Variants in RAPGEF1 observed in about 807,000 individuals in gnomAD.
RAPGEF1 encodes the protein Rap guanine nucleotide exchange factor 1.
A neutral mutation model predicts 143.3 loss-of-function variants in RAPGEF1; 33 were observed. The ratio of observed to expected loss-of-function variants is 0.23; its 90% CI spans 0.17 to 0.31. RAPGEF1 has a LOEUF of 0.31. Ranked by LOEUF, RAPGEF1 falls within the 10% of genes least tolerant of loss-of-function variation. The pLI is 1.00. For synonymous variants in RAPGEF1, 629 were observed against 676.5 expected, an observed-to-expected ratio of 0.93 and a Z score of 1.09; for missense variants, 1,199 against 1,645.4, an observed-to-expected ratio of 0.73 and a Z score of 4.69.
Position 131,739,853 on chromosome 9 carries a change from G to T in RAPGEF1, c.-23C>A, listed in dbSNP as rs183326492. On this transcript the variant is annotated 5_prime_UTR_variant, in exon 1 of 27. Transcript: ENST00000683357. ...CATCGGGCCCGGGCCGGGCCGCCGC[G>T]GGGCGACAGGGGCGGCGCGCCCGCC... The T allele has an allele frequency of 0.091, 91,443 of 1,005,356 alleles. 4,585 individuals are homozygous for T. The highest frequency in any genetic ancestry group is 0.23 in the Middle Eastern group (466 of 2,030). The allele number at this position is 1,005,356 out of a possible 1,614,324, so 62.3% of individuals were successfully genotyped here. A position where few individuals can be genotyped will look rare whatever the true frequency, so the allele number is the denominator to read the frequency against.
At chr9:131,711,208 G>A (rs1429728866) in intron 1 of RAPGEF1, among the ~76,000 whole-genome samples, 1 of 151,198 alleles carries the variant, frequency 6.6e-6, no homozygotes, top group Non-Finnish European at 1.5e-5. Context: ...ATGCCACCTC[G>A]CCTGGCTAAT....
chr9:131,614,313 G>A (rs1046344983), intron 12 of RAPGEF1, among the ~76,000 whole-genome samples: 1 of 152,248 alleles, frequency 6.6e-6, no homozygotes, highest in African/African-American at 2.4e-5. Flanking sequence ...GGTCAGGATG[G>A]CAGGAACTTA....
rs377172820 is a variant in RAPGEF1 at position 131,588,993 on chromosome 9, G to A, written c.2868-7C>T. 1.2e-6 allele frequency: 2 copies of A among 1,611,756 alleles called. No individual in the cohort carries two copies. Among genetic ancestry groups the A allele is most frequent in the Admixed American group, 3.3e-5 (2 of 59,830 alleles). ...TTCTGTCAACTCCACCAGGCTGAAG[G>A]ACAAAAGAGCACAAGGTGAGGAGCA... On this transcript the variant is annotated splice_region_variant and splice_polypyrimidine_tract_variant and intron_variant, in intron 19 of 26. Coordinates refer to ENST00000683357, the MANE Select transcript of RAPGEF1 (RefSeq NM_001377935.1).
At chr9:131,724,164 G>T (rs573669065) in intron 1 of RAPGEF1, among the ~76,000 whole-genome samples, 1 of 152,182 alleles carries the variant, frequency 6.6e-6, no homozygotes, top group South Asian at 2.1e-4. Flanking sequence ...CCTCACTCAG[G>T]TAACTCATCG....
chr9:131,652,950 AT>A (rs1483092340), intron 1 of RAPGEF1, among the ~76,000 whole-genome samples: 2 of 152,236 alleles, frequency 1.3e-5, no homozygotes, highest in Non-Finnish European at 2.9e-5. Flanking sequence ...TGATGGCTAC[AT>A]CAGGCGAGGC....
intron 10 of RAPGEF1, 80 bp downstream of exon 10, chr9:131,625,842 T>C: frequency 6.8e-7 from 1 of 1,475,756 alleles, no homozygotes; most frequent in Admixed American, 2.3e-5. Context: ...GATTTGATTC[T>C]GGTCTAATGC....
chr9:131,593,228 T>TA (rs1255224066), intron 17 of RAPGEF1, among the ~76,000 whole-genome samples: 2 of 152,160 alleles, frequency 1.3e-5, no homozygotes, highest in Admixed American at 1.3e-4. Flanking sequence ...TGCCTCCTCT[T>TA]AGAGGGGGCT....
chr9:131,720,514 C>A (rs1439622133), intron 1 of RAPGEF1, among the ~76,000 whole-genome samples: 1 of 152,118 alleles, frequency 6.6e-6, no homozygotes, highest in African/African-American at 2.4e-5. Flanking sequence ...GCGCCAGAGC[C>A]CAGAAACCTC....
intron 1 of RAPGEF1, among the ~76,000 whole-genome samples, chr9:131,659,229 T>A (rs11243466): frequency 0.055 from 8,434 of 152,224 alleles, 690 homozygotes; most frequent in African/African-American, 0.18. Context: ...TCCAATTTTT[T>A]AAAAGTCTTT....
At position 131,650,845 on chromosome 9, in the gene RAPGEF1, C is replaced by A; in HGVS notation, c.166G>T (p.Val56Leu). ...GGCTTCTCTGGAATCTTTACGGACA[C>A]CTCAGCTGGTTTTCCCTTCTTTGAT... Reference protein sequence around the residue: ...TPSKKGKPAEVSVKIPEKPVN... With the variant: ...TPSKKGKPAELSVKIPEKPVN... The change falls in exon 2 of 27, where the codon GTG (valine) becomes TTG (leucine). Residue 56 changes from valine (V) to leucine (L), a missense_variant. Transcript: ENST00000683357. The surrounding 1 kb of genome is among the most constrained non-coding windows in gnomAD (Gnocchi z 4.7). 1 of 1,614,024 alleles carries A rather than the reference C, an allele frequency of 6.2e-7. No individual in the cohort carries two copies. The highest frequency in any genetic ancestry group is 8.5e-7 in the Non-Finnish European group (1 of 1,179,888).
At chr9:131,639,716 A>T (rs943337009) in intron 4 of RAPGEF1, among the ~76,000 whole-genome samples, 5 of 152,196 alleles carry the variant, frequency 3.3e-5, no homozygotes, top group Non-Finnish European at 7.3e-5. Context: ...TACTCCAAAA[A>T]AACACACAAA....
At chr9:131,653,883 G>T (rs979946522) in intron 1 of RAPGEF1, among the ~76,000 whole-genome samples, 11 of 152,300 alleles carry the variant, frequency 7.2e-5, no homozygotes, top group Admixed American at 2.0e-4. Context: ...AAACTCAAAT[G>T]TCCATGTTTG....
At chr9:131,712,824 G>T (rs931089142) in intron 1 of RAPGEF1, among the ~76,000 whole-genome samples, 6 of 152,110 alleles carry the variant, frequency 3.9e-5, no homozygotes, top group Non-Finnish European at 8.8e-5. Context: ...CTCAATCATG[G>T]CTCCCCCAAA....
chr9:131,613,569 G>A (rs918123560), intron 12 of RAPGEF1, among the ~76,000 whole-genome samples: 3 of 152,190 alleles, frequency 2.0e-5, no homozygotes, highest in South Asian at 4.1e-4. Context: ...AAGCGGACCC[G>A]CTCAAGGCTA....
chr9:131,609,265 C>T (rs185592519), intron 12 of RAPGEF1, among the ~76,000 whole-genome samples: 2 of 152,298 alleles, frequency 1.3e-5, no homozygotes, highest in East Asian at 1.9e-4. Context: ...TCTCAATTAA[C>T]GTACACACAG....
chr9:131,698,006 T>G (rs1834322746), intron 1 of RAPGEF1, among the ~76,000 whole-genome samples: 1 of 150,956 alleles, frequency 6.6e-6, no homozygotes, highest in African/African-American at 2.4e-5. Context: ...GACAGGAGAG[T>G]CAGCTGACCA....
chr9:131,590,630 A>G (rs1282412362), intron 18 of RAPGEF1, among the ~76,000 whole-genome samples: 1 of 151,334 alleles, frequency 6.6e-6, no homozygotes, highest in Non-Finnish European at 1.5e-5. Context: ...CTCGCCATCG[A>G]CTCCCCAGAT....
intron 1 of RAPGEF1, among the ~76,000 whole-genome samples, chr9:131,702,932 C>T (rs1025141428): frequency 1.3e-5 from 2 of 152,148 alleles, no homozygotes; most frequent in Admixed American, 6.5e-5. Flanking sequence ...CATACGATGA[C>T]AATTCTATGA....
intron 1 of RAPGEF1, among the ~76,000 whole-genome samples, chr9:131,661,779 G>C (rs114867515): frequency 0.036 from 5,439 of 152,204 alleles, 211 homozygotes; most frequent in East Asian, 0.089. Context: ...TCTTCCCTAA[G>C]AACTCTGAAT....
Sources: gnomAD v4.1 joint callset for allele counts (sites outside exome capture counted in the v4.1 genomes callset) on GRCh38, gnomAD v4.1.1 for gene constraint, Gnocchi (gnomAD v3.1) non-coding constraint, MANE v1.5 for transcripts, NCBI Gene and HGNC (gene_info 2026-07-23, HGNC 2026-07-21) for gene names.